Variants in DYNC2H1 observed in about 807,000 individuals in gnomAD.
The protein encoded by DYNC2H1 is cytoplasmic dynein 2 heavy chain 1.
Under a neutral mutation model 570.0 loss-of-function variants are expected in DYNC2H1, and 410 were observed. The observed-to-expected ratio is 0.72, with a 90% CI of 0.66 to 0.78. DYNC2H1 has a LOEUF of 0.78. Ranked by LOEUF, DYNC2H1 falls within the 30% of genes least tolerant of loss-of-function variation. The pLI is 0.00. For synonymous variants in DYNC2H1, 1,688 were observed against 1,677.6 expected, an observed-to-expected ratio of 1.01 and a Z score of -0.15; for missense variants, 4,865 against 5,046.4, an observed-to-expected ratio of 0.96 and a Z score of 1.09.
intron 84 of DYNC2H1, among the ~76,000 whole-genome samples, chr11:103,406,018 G>A (rs1346720728): frequency 6.6e-6 from 1 of 151,954 alleles, no homozygotes; most frequent in African/African-American, 2.4e-5. Flanking sequence ...CAGTTGATTA[G>A]GATGTTTAGC....
Position 103,241,521 on chromosome 11 carries a change from C to T in DYNC2H1, c.9820-2172C>T. The T allele has an allele frequency of 6.3e-7, 1 of 1,592,752 alleles. No individual in the cohort carries two copies. Among genetic ancestry groups the T allele is most frequent in the Non-Finnish European group, 8.6e-7 (1 of 1,164,182 alleles). ...TACCTTTCTTCTTTTCATTTAACTG[C>T]ATCAGATCATTGGTTTGAAATCATG... On this transcript the variant is annotated intron_variant, in intron 63 of 88. Coordinates refer to ENST00000375735, the MANE Select transcript of DYNC2H1 (RefSeq NM_001377.3). The surrounding 1 kb of genome is among the most constrained non-coding windows in gnomAD (Gnocchi z 5.1).
Position 103,200,075 on chromosome 11 carries a change from A to G in DYNC2H1, c.8118A>G (p.Gln2706=). The part of the protein sequence containing the change: ...HVLQLAGIEA[Q]QVVLLLEDYQ... ...TGCAACTTGCAGGAATTGAAGCACA[A>G]CAGGTAGTTTTACTTCTTGAGGATT... The change falls in exon 50 of 89, where the codon CAA becomes CAG. Residue 2706 remains glutamine (Q), a synonymous_variant. Transcript: ENST00000375735. The G allele has an allele frequency of 1.9e-6, 3 of 1,589,050 alleles. No individual in the cohort carries two copies. The highest frequency in any genetic ancestry group is 1.2e-5 in the South Asian group (1 of 86,934).
intron 83 of DYNC2H1, among the ~76,000 whole-genome samples, chr11:103,385,719 T>G (rs1941843562): frequency 6.6e-6 from 1 of 152,234 alleles, no homozygotes; most frequent in Admixed American, 6.5e-5. Context: ...ATCTGGCTCC[T>G]GGAGAGATTT....
rs755464335 is a variant in DYNC2H1, at chr11:103,114,235, C to T, written c.499C>T (p.Arg167Ter). The stretch of plus-strand genomic sequence containing the variant: ...ATTGAAATTTAAGGAAGATGACACA[C>T]GAGGTATATAACCATAGCTTAATAA... ...TKLKFKEDDTRGILTPSDEFQ... is the reference protein window; with the variant it reads ...TKLKFKEDDT The change falls in exon 3 of 89, where the codon CGA (arginine) becomes TGA (stop). Residue 167 changes from arginine (R) to a stop codon, truncating the protein, a stop_gained. Transcript: ENST00000375735. LOFTEE classifies it high-confidence loss of function. 7.6e-6 allele frequency: 12 copies of T among 1,585,652 alleles called. No individual in the cohort carries two copies. Among genetic ancestry groups the T allele is most frequent in the African/African-American group, 5.4e-5 (4 of 74,426 alleles).
At position 103,325,221 on chromosome 11, in the gene DYNC2H1, A is replaced by G. The variant is rs899525433; in HGVS notation, c.12039+1231A>G. ...TGCAGAAGCTCTTTAGTTAGGTCTC[A>G]TTTGACAATTTTTGTTTGGGTTGCA... On this transcript the variant is annotated intron_variant, in intron 82 of 88. Coordinates refer to ENST00000375735, the MANE Select transcript of DYNC2H1 (RefSeq NM_001377.3). This position sits in a 1 kb window ranked among gnomAD's most constrained non-coding sequence, Gnocchi z 4.8. 8.5e-5 allele frequency among the ~76,000 whole-genome samples: 13 copies of G among 152,154 alleles called. No homozygotes were observed. The highest frequency in any genetic ancestry group is 2.7e-4 in the African/African-American group (11 of 41,442).
chr11:103,196,856 C>T (rs1862525450), intron 47 of DYNC2H1, among the ~76,000 whole-genome samples: 1 of 152,040 alleles, frequency 6.6e-6, no homozygotes, highest in African/African-American at 2.4e-5. Flanking sequence ...GTATAGTAGC[C>T]TGTACAGATA....
intron 69 of DYNC2H1, among the ~76,000 whole-genome samples, chr11:103,259,182 G>T (rs1011493006): frequency 2.0e-5 from 3 of 152,038 alleles, no homozygotes; most frequent in African/African-American, 7.2e-5. Context: ...TGTTATACCA[G>T]AATTGATCTT....
chr11:103,466,074 C>T (rs566283530), intron 87 of DYNC2H1, among the ~76,000 whole-genome samples: 8 of 151,770 alleles, frequency 5.3e-5, no homozygotes, highest in African/African-American at 1.9e-4. Flanking sequence ...CAGTATGGTG[C>T]TGGTTTAGGG....
At chr11:103,385,454 A>G (rs1313421345) in intron 83 of DYNC2H1, among the ~76,000 whole-genome samples, 2 of 151,942 alleles carry the variant, frequency 1.3e-5, no homozygotes, top group African/African-American at 4.8e-5. Flanking sequence ...AGCATGTTAC[A>G]TTCTCAGTGT....
At chr11:103,196,192 G>T (rs565506128) in intron 47 of DYNC2H1, among the ~76,000 whole-genome samples, 1 of 152,178 alleles carries the variant, frequency 6.6e-6, no homozygotes, top group Admixed American at 6.5e-5. Context: ...GTGGTAGTAA[G>T]GATGTACTTG....
intron 85 of DYNC2H1, among the ~76,000 whole-genome samples, chr11:103,449,948 G>A (rs1181338045): frequency 6.6e-6 from 1 of 152,046 alleles, no homozygotes; most frequent in Non-Finnish European, 1.5e-5. Context: ...ATGGCCATAA[G>A]GCATCATGGC....
At chr11:103,421,892 C>G (rs1482351920) in intron 84 of DYNC2H1, among the ~76,000 whole-genome samples, 2 of 131,136 alleles carry the variant, frequency 1.5e-5, no homozygotes, top group Admixed American at 1.6e-4. Context: ...AGAAAAAAAT[C>G]AAAGAATCCA....
chr11:103,259,894 GA>G lies in DYNC2H1; in HGVS notation c.10616del (p.Asn3539IlefsTer31). 1 of 1,527,416 alleles carries G rather than the reference GA, an allele frequency of 6.5e-7. No individual in the cohort carries two copies. The highest frequency in any genetic ancestry group is 8.8e-7 in the Non-Finnish European group (1 of 1,134,720). 94.6% of individuals were successfully genotyped at this position (1,527,416 alleles called of 1,614,324 possible). ...QRALQNKQDS[E>X]NTEQRIQSLI... ...TTCCAATTATAATCTACAGGATTCT[GA>G]AAATACAGAACAGAGAATCCAGTCA... On this transcript the variant is annotated frameshift_variant, in exon 70 of 89. Transcript: ENST00000375735. LOFTEE classifies it high-confidence loss of function.
At chr11:103,131,021 A>G (rs1859241012) in intron 13 of DYNC2H1, among the ~76,000 whole-genome samples, 1 of 152,176 alleles carries the variant, frequency 6.6e-6, no homozygotes, top group African/African-American at 2.4e-5. Flanking sequence ...TCAGTAAACA[A>G]TTTTTAATTC....
chr11:103,411,455 A>T (rs2135687273), intron 84 of DYNC2H1, among the ~76,000 whole-genome samples: 1 of 151,814 alleles, frequency 6.6e-6, no homozygotes, highest in African/African-American at 2.4e-5. Context: ...GGTACTCATG[A>T]TTAAAATATG....
intron 82 of DYNC2H1, among the ~76,000 whole-genome samples, chr11:103,346,710 G>A (rs1023858650): frequency 1.3e-5 from 2 of 152,088 alleles, no homozygotes; most frequent in African/African-American, 2.4e-5. Flanking sequence ...CAGTTAAAGG[G>A]AAAGAACTAT....
At chr11:103,344,826 C>T (rs768124368) in intron 82 of DYNC2H1, among the ~76,000 whole-genome samples, 3 of 151,990 alleles carry the variant, frequency 2.0e-5, no homozygotes, top group Non-Finnish European at 4.4e-5. Context: ...GTAATTAAAA[C>T]ATTACAAGTG....
chr11:103,375,461 G>A (rs1941355073), intron 83 of DYNC2H1, among the ~76,000 whole-genome samples: 1 of 152,176 alleles, frequency 6.6e-6, no homozygotes, highest in Admixed American at 6.5e-5. Context: ...CCGTGCTTCT[G>A]GAAAAGCCAC....
At chr11:103,173,772 G>T (rs532513332) in intron 35 of DYNC2H1, among the ~76,000 whole-genome samples, 5 of 152,220 alleles carry the variant, frequency 3.3e-5, no homozygotes, top group African/African-American at 1.2e-4. Context: ...AAGATGGATT[G>T]ATTAAAGGCT....
Sources: gnomAD v4.1 joint callset for allele counts (sites outside exome capture counted in the v4.1 genomes callset) on GRCh38, gnomAD v4.1.1 for gene constraint, Gnocchi (gnomAD v3.1) non-coding constraint, MANE v1.5 for transcripts, NCBI Gene and HGNC (gene_info 2026-07-23, HGNC 2026-07-21) for gene names.